Variants in ROBO2 observed in about 807,000 individuals in gnomAD.
ROBO2 encodes roundabout guidance receptor 2.
A neutral mutation model predicts 160.8 loss-of-function variants in ROBO2; 53 were observed. That is an observed-to-expected ratio of 0.33 (90% confidence interval 0.26 to 0.41). The LOEUF is 0.41. ROBO2 is among the 10% of genes least tolerant of loss of function. The pLI is 1.00. For missense variants in ROBO2, 1,577 were observed against 1,722.4 expected (o/e 0.92, Z 1.49); for synonymous variants, 664 against 611.7 (o/e 1.09, Z -1.26).
Position 76,629,147 on chromosome 3 carries a change from G to T in ROBO2, c.110-468867G>T, listed in dbSNP as rs537449816. Among the ~76,000 whole-genome samples the T allele has an allele frequency of 6.6e-5, 10 of 152,270 alleles. No homozygotes were observed. The East Asian group carries it at 1.5e-3, about 24-fold the overall frequency. On this transcript the variant is annotated intron_variant, in intron 2 of 26. Coordinates refer to the ROBO2 transcript ENST00000487694. ...TAGATTCTCAAAACTAGCATATCTG[G>T]TTGTGCTCAATGACACAAATGGTTC...
chr3:77,050,879 ATGGTGG>A lies in ROBO2; in HGVS notation c.61+10036_61+10041del, dbSNP rs565912756. 3.0e-4 allele frequency among the ~76,000 whole-genome samples: 46 copies of A among 151,860 alleles called. 1 individual carries two copies. In the East Asian group the frequency reaches 8.8e-3, roughly 29 times the overall value. On this transcript the variant is annotated intron_variant, in intron 1 of 25. Transcript: ENST00000461745. Reference sequence around the variant, plus strand: ...AGAAAAAAAAAAAAATTAGCTGGGCATGGTGGTGCTCACCTGTAGTCCCAGCTACTT... The same window carrying A: ...AGAAAAAAAAAAAAATTAGCTGGGCATGCTCACCTGTAGTCCCAGCTACTT...
chr3:76,596,273 A>G (rs549570323), intron 2 of ROBO2, among the ~76,000 whole-genome samples: 2 of 152,272 alleles, frequency 1.3e-5, no homozygotes, highest in East Asian at 3.9e-4. Context: ...GGAAACATAT[A>G]TTGAAATGGG....
intron 2 of ROBO2, among the ~76,000 whole-genome samples, chr3:76,542,898 T>C (rs2082894436): frequency 6.6e-6 from 1 of 152,180 alleles, no homozygotes; most frequent in African/African-American, 2.4e-5. Context: ...TTACAGCATT[T>C]AGTGCTGTTG....
At chr3:77,375,453 C>T (rs952919923) in intron 2 of ROBO2, among the ~76,000 whole-genome samples, 2 of 152,286 alleles carry the variant, frequency 1.3e-5, no homozygotes, top group East Asian at 3.9e-4. Context: ...TTAGTGCTTT[C>T]CAAATGATGG....
chr3:77,538,009 A>G (rs1270084349), intron 6 of ROBO2, among the ~76,000 whole-genome samples: 1 of 151,880 alleles, frequency 6.6e-6, no homozygotes, highest in African/African-American at 2.4e-5. Flanking sequence ...AGACATTGGT[A>G]TTTTACTATG....
intron 2 of ROBO2, among the ~76,000 whole-genome samples, chr3:76,703,895 G>T (rs760130003): frequency 6.6e-6 from 1 of 151,980 alleles, no homozygotes; most frequent in African/African-American, 2.4e-5. Flanking sequence ...GGGATTGCTG[G>T]GTCAAATGGT....
chr3:77,264,053 ATC>A (rs771313374), intron 2 of ROBO2, among the ~76,000 whole-genome samples: 1 of 152,136 alleles, frequency 6.6e-6, no homozygotes, highest in Non-Finnish European at 1.5e-5. Flanking sequence ...CACCACCATC[ATC>A]ATCACCATCA....
intron 2 of ROBO2, among the ~76,000 whole-genome samples, chr3:76,724,637 C>T (rs758440861): frequency 1.5e-4 from 23 of 151,982 alleles, no homozygotes; most frequent in Non-Finnish European, 2.8e-4. Flanking sequence ...ATTTGTTTAC[C>T]AAATACATCC....
At chr3:76,030,606 A>C (rs1017649117) in intron 2 of ROBO2, among the ~76,000 whole-genome samples, 10 of 152,164 alleles carry the variant, frequency 6.6e-5, no homozygotes, top group Non-Finnish European at 1.0e-4. Flanking sequence ...TTTCCCAGCA[A>C]CATTTATTAA....
At chr3:76,311,653 C>T (rs2071596117) in intron 2 of ROBO2, among the ~76,000 whole-genome samples, 1 of 152,144 alleles carries the variant, frequency 6.6e-6, no homozygotes. Context: ...TGATCGTTTC[C>T]AGCAGGGAGA....
At chr3:76,959,950 CT>C (rs60982085) in intron 2 of ROBO2, among the ~76,000 whole-genome samples, 7,593 of 151,148 alleles carry the variant, frequency 0.05, 614 homozygotes, top group African/African-American at 0.17. Flanking sequence ...ATTTATCCAT[CT>C]TTTTTTTTAT....
At chr3:76,494,625 A>G (rs1041716334) in intron 2 of ROBO2, among the ~76,000 whole-genome samples, 2 of 152,142 alleles carry the variant, frequency 1.3e-5, no homozygotes, top group Admixed American at 6.6e-5. Flanking sequence ...TCAGGAAGAA[A>G]AAGGGGAGCG....
chr3:76,615,600 A>G (rs929037423), intron 2 of ROBO2, among the ~76,000 whole-genome samples: 1 of 152,200 alleles, frequency 6.6e-6, no homozygotes, highest in African/African-American at 2.4e-5. Flanking sequence ...GAGCATATCT[A>G]GACATAAGGA....
Position 76,664,627 on chromosome 3 carries a change from A to G in ROBO2, c.110-433387A>G, listed in dbSNP as rs75797129. 4.2e-3 allele frequency among the ~76,000 whole-genome samples: 632 copies of G among 152,272 alleles called. 7 individuals are homozygous for G. Among genetic ancestry groups the G allele is most frequent in the African/African-American group, 0.014 (598 of 41,552 alleles). On this transcript the variant is annotated intron_variant, in intron 2 of 26. Transcript: ENST00000487694. ...GGTCACTCAGGTTAAGAATTTTAAA[A>G]AGCTATGTGGGTTTCTACTGTAACC...
chr3:76,892,914 A>C (rs1425872577), intron 2 of ROBO2, among the ~76,000 whole-genome samples: 1 of 152,160 alleles, frequency 6.6e-6, no homozygotes, highest in Admixed American at 6.6e-5. Flanking sequence ...TTGAGGAAAT[A>C]TAAACAACTA....
intron 2 of ROBO2, among the ~76,000 whole-genome samples, chr3:76,333,040 A>C (rs755694863): frequency 3.4e-4 from 51 of 152,232 alleles, no homozygotes; most frequent in Non-Finnish European, 6.5e-4. Flanking sequence ...ACAAGTTTGC[A>C]GGTAATGCTG....
At chr3:76,439,492 T>C (rs995398864) in intron 2 of ROBO2, among the ~76,000 whole-genome samples, 2 of 152,102 alleles carry the variant, frequency 1.3e-5, no homozygotes, top group African/African-American at 4.8e-5. Flanking sequence ...GACACTGATA[T>C]GGACTATGAG....
chr3:76,329,792 G>A (rs530226773), intron 2 of ROBO2, among the ~76,000 whole-genome samples: 3 of 152,228 alleles, frequency 2.0e-5, no homozygotes, highest in Non-Finnish European at 4.4e-5. Context: ...TTCCAGAGTC[G>A]GAGGAAAGAC....
At chr3:76,024,747 C>T (rs943040514) in intron 2 of ROBO2, among the ~76,000 whole-genome samples, 13 of 151,334 alleles carry the variant, frequency 8.6e-5, no homozygotes, top group South Asian at 2.1e-4. Context: ...TTTGATAGCT[C>T]GGTTGGAAAT....
Sources: allele counts gnomAD v4.1 joint callset (sites outside exome capture counted in the v4.1 genomes callset), GRCh38; gene constraint gnomAD v4.1.1; transcripts MANE v1.5; gene names NCBI Gene and HGNC (gene_info 2026-07-23, HGNC 2026-07-21).